ANO2: variants seen among roughly 807,000 people sequenced by gnomAD.
ANO2 encodes the protein anoctamin 2.
A neutral mutation model predicts 124.2 loss-of-function variants in ANO2; 101 were observed. That is an observed-to-expected ratio of 0.81 (90% confidence interval 0.69 to 0.96). The LOEUF is 0.96. ANO2 is among the 40% of genes least tolerant of loss of function. The pLI is 0.00. For missense variants in ANO2, 1,293 were observed against 1,274.5 expected (o/e 1.01, Z -0.22); for synonymous variants, 486 against 482.5 (o/e 1.01, Z -0.09).
At chr12:5,894,263 G>C (rs1271184392) in intron 3 of ANO2, among the ~76,000 whole-genome samples, 1 of 152,040 alleles carries the variant, frequency 6.6e-6, no homozygotes, top group African/African-American at 2.4e-5. Flanking sequence ...TTTTTCATCT[G>C]TTTGTTGGCC....
intron 15 of ANO2, among the ~76,000 whole-genome samples, chr12:5,646,424 GT>G (rs1289655350): frequency 6.6e-6 from 1 of 152,110 alleles, no homozygotes; most frequent in Non-Finnish European, 1.5e-5. Context: ...GGAGATAGAA[GT>G]TTATTTTTAC....
intron 3 of ANO2, among the ~76,000 whole-genome samples, chr12:5,884,454 A>G (rs1245508276): frequency 2.0e-5 from 3 of 152,232 alleles, no homozygotes; most frequent in Non-Finnish European, 2.9e-5. Context: ...AGGAAAAGCA[A>G]TCACTGCATC....
At chr12:5,845,512 A>G (rs1358986945) in intron 4 of ANO2, among the ~76,000 whole-genome samples, 1 of 149,772 alleles carries the variant, frequency 6.7e-6, no homozygotes, top group Admixed American at 6.7e-5. Context: ...GCTTGCAGTG[A>G]GCCGAGATCG....
intron 21 of ANO2, 125 bp downstream of exon 21, chr12:5,578,241 T>C: frequency 7.2e-7 from 1 of 1,382,480 alleles, no homozygotes; most frequent in Non-Finnish European, 9.9e-7. Context: ...GATATGAGGA[T>C]GAGGGACCCA....
intron 16 of ANO2, among the ~76,000 whole-genome samples, chr12:5,618,468 T>C (rs116706872): frequency 0.015 from 2,341 of 152,256 alleles, 56 homozygotes; most frequent in African/African-American, 0.052. Flanking sequence ...GGTATTACAT[T>C]TCACTTCTGT....
At chr12:5,832,349 T>C in intron 5 of ANO2, 103 bp downstream of exon 5, 1 of 1,387,156 alleles carries the variant, frequency 7.2e-7, no homozygotes, top group Non-Finnish European at 9.9e-7. Flanking sequence ...TCCCAGGCAC[T>C]GGGGCACCCA....
chr12:5,598,555 C>T (rs74654592), intron 20 of ANO2, among the ~76,000 whole-genome samples: 25,695 of 152,100 alleles, frequency 0.17, 2,510 homozygotes, highest in Non-Finnish European at 0.22. Context: ...GGAGTTTCAC[C>T]ATGTTGGCCA....
chr12:5,626,130 C>T (rs1229541944), intron 16 of ANO2, among the ~76,000 whole-genome samples: 3 of 152,044 alleles, frequency 2.0e-5, no homozygotes, highest in African/African-American at 7.2e-5. Context: ...TTGGGGAGTG[C>T]ATTTTGGCAT....
intron 14 of ANO2, among the ~76,000 whole-genome samples, chr12:5,654,280 TG>T (rs1211366497): frequency 6.6e-6 from 1 of 152,244 alleles, no homozygotes; most frequent in Non-Finnish European, 1.5e-5. Flanking sequence ...CTGATATTTC[TG>T]TTCAGTTGTT....
At chr12:5,886,075 C>T (rs1938877323) in intron 3 of ANO2, among the ~76,000 whole-genome samples, 1 of 152,154 alleles carries the variant, frequency 6.6e-6, no homozygotes. Flanking sequence ...GGAGGAAAGA[C>T]CCTGAACAGA....
rs549651036 is a variant in ANO2, at chr12:5,921,492, C to T, written c.208-126G>A. 87 of 859,300 alleles carry T rather than the reference C, an allele frequency of 1.0e-4. No homozygotes were observed. In the South Asian group the frequency reaches 1.4e-3, roughly 13 times the overall value. 53.2% of individuals were successfully genotyped at this position (859,300 alleles called of 1,614,324 possible). Reference sequence around the variant, plus strand: ...AAGCAAGCCTCTCAGGCCCAAAGGCCCCCAGTGCCCCCAGTAAAAGGACCG... The same window carrying T: ...AAGCAAGCCTCTCAGGCCCAAAGGCTCCCAGTGCCCCCAGTAAAAGGACCG... On this transcript the variant is annotated intron_variant, in intron 2 of 24. Coordinates refer to ENST00000682330, the MANE Select transcript of ANO2 (RefSeq NM_001364791.2).
At chr12:5,781,146 C>T (rs1952382367) in intron 10 of ANO2, among the ~76,000 whole-genome samples, 1 of 152,172 alleles carries the variant, frequency 6.6e-6, no homozygotes, top group African/African-American at 2.4e-5. Context: ...CCTCATATCA[C>T]TATCAATGAC....
At chr12:5,863,338 A>C (rs1955331089) in intron 3 of ANO2, among the ~76,000 whole-genome samples, 1 of 152,074 alleles carries the variant, frequency 6.6e-6, no homozygotes, top group African/African-American at 2.4e-5. Flanking sequence ...GTGTTATTCT[A>C]CTTCAGAAAT....
chr12:5,674,721 C>T (rs773370991), intron 14 of ANO2, among the ~76,000 whole-genome samples: 15 of 152,280 alleles, frequency 9.9e-5, no homozygotes, highest in East Asian at 1.9e-4. Context: ...GGGTTTGAAT[C>T]CTGTCTCTGT....
intron 3 of ANO2, among the ~76,000 whole-genome samples, chr12:5,910,321 G>A (rs1940967254): frequency 6.6e-6 from 1 of 152,138 alleles, no homozygotes. Context: ...CTGGATTACA[G>A]GCACGTGCCA....
chr12:5,811,288 C>T (rs767522708), intron 7 of ANO2, among the ~76,000 whole-genome samples: 11 of 152,326 alleles, frequency 7.2e-5, no homozygotes, highest in Middle Eastern at 3.4e-3. Context: ...AACTCCCAGA[C>T]GGTGCATTTA....
At chr12:5,883,128 A>G (rs1381107842) in intron 3 of ANO2, among the ~76,000 whole-genome samples, 1 of 151,958 alleles carries the variant, frequency 6.6e-6, no homozygotes, top group Non-Finnish European at 1.5e-5. Flanking sequence ...TGTCAGCCTA[A>G]AATCTCATGA....
chr12:5,864,157 G>A (rs139635409), intron 3 of ANO2, among the ~76,000 whole-genome samples: 1 of 152,100 alleles, frequency 6.6e-6, no homozygotes, highest in African/African-American at 2.4e-5. Flanking sequence ...AATCATAGCT[G>A]AGCCCACCGA....
At chr12:5,563,835 A>G (rs549184021) in intron 24 of ANO2, among the ~76,000 whole-genome samples, 1 of 152,350 alleles carries the variant, frequency 6.6e-6, no homozygotes, top group East Asian at 1.9e-4. Flanking sequence ...GGACTCCATC[A>G]GTAGTAGTTA....
Sources: allele counts gnomAD v4.1 joint callset (sites outside exome capture counted in the v4.1 genomes callset), GRCh38; gene constraint gnomAD v4.1.1; transcripts MANE v1.5; gene names NCBI Gene and HGNC (gene_info 2026-07-23, HGNC 2026-07-21).